SUGP1: variants seen among roughly 807,000 people sequenced by gnomAD.
The protein encoded by SUGP1 is SURP and G-patch domain containing 1, also known as SURP and G-patch domain-containing protein 1.
Under a neutral mutation model 76.5 loss-of-function variants are expected in SUGP1, and 34 were observed. That is an observed-to-expected ratio of 0.44 (90% CI 0.34 to 0.59). The LOEUF (loss-of-function observed/expected upper bound fraction) is 0.59. Ranked by LOEUF, SUGP1 falls within the 20% of genes least tolerant of loss-of-function variation. The pLI is 0.01. For synonymous variants in SUGP1, 326 were observed against 326.2 expected (o/e 1.00, Z 0.01); for missense variants, 752 against 851.7 (o/e 0.88, Z 1.46).
At chr19:19,280,418 A>G (rs1453870425) in intron 8 of SUGP1, 127 bp from the exon 9 acceptor site, 2 of 818,642 alleles carry the variant, frequency 2.4e-6, no homozygotes, top group Non-Finnish European at 4.0e-6. Flanking sequence ...TCATATCATT[A>G]CTGTCAGTGC....
At chr19:19,317,425 G>A (rs1157236938) in intron 1 of SUGP1, among the ~76,000 whole-genome samples, 1 of 152,192 alleles carries the variant, frequency 6.6e-6, no homozygotes, top group African/African-American at 2.4e-5. Context: ...CCTGCTCCAG[G>A]GACAGGCAGA....
At chr19:19,299,794 T>G (rs953623900) in intron 7 of SUGP1, among the ~76,000 whole-genome samples, 2 of 151,380 alleles carry the variant, frequency 1.3e-5, no homozygotes, top group African/African-American at 4.9e-5. Flanking sequence ...TCATTTTTTT[T>G]TTGTTTTGTT....
chr19:19,310,984 A>G (rs1336281630), intron 2 of SUGP1, among the ~76,000 whole-genome samples: 2 of 152,096 alleles, frequency 1.3e-5, no homozygotes, highest in Admixed American at 1.3e-4. Flanking sequence ...TGCCCTGGCT[A>G]AAGTGCAGAG....
At chr19:19,314,316 C>A (rs1780748359) in intron 2 of SUGP1, among the ~76,000 whole-genome samples, 1 of 151,396 alleles carries the variant, frequency 6.6e-6, no homozygotes, top group African/African-American at 2.4e-5. Context: ...GAGCAAGACT[C>A]GTCTCAAAAA....
At chr19:19,276,913 A>T (rs766615411) in intron 13 of SUGP1, 34 bp downstream of exon 13, 1 of 1,611,014 alleles carries the variant, frequency 6.2e-7, no homozygotes, top group East Asian at 2.2e-5. Context: ...TCTCCTGTCG[A>T]CTGAGCAAAG....
chr19:19,277,200 A>C, intron 12 of SUGP1, 124 bp from the exon 13 acceptor site: 2 of 878,878 alleles, frequency 2.3e-6, no homozygotes, highest in Non-Finnish European at 3.1e-6. Flanking sequence ...ATATCTGCAC[A>C]GAGAGAAGCT....
intron 8 of SUGP1, among the ~76,000 whole-genome samples, chr19:19,288,430 A>G (rs896590781): frequency 1.3e-5 from 2 of 152,206 alleles, no homozygotes; most frequent in African/African-American, 4.8e-5. Context: ...AAAGCATGTT[A>G]ATCAACTGTT....
At chr19:19,302,927 G>A (rs939485724) in intron 6 of SUGP1, among the ~76,000 whole-genome samples, 10 of 152,140 alleles carry the variant, frequency 6.6e-5, no homozygotes, top group African/African-American at 2.4e-4. Flanking sequence ...CCAGCTGACA[G>A]TGTCTGTCCC....
intron 8 of SUGP1, among the ~76,000 whole-genome samples, chr19:19,283,279 T>C (rs2146594692): frequency 6.6e-6 from 1 of 152,258 alleles, no homozygotes; most frequent in Middle Eastern, 3.4e-3. Context: ...GAAATCTTTT[T>C]TTTTGGATAT....
Position 19,303,656 on chromosome 19 carries a change from C to G in SUGP1, c.662+68G>C, listed in dbSNP as rs968401691. The G allele has an allele frequency of 1.1e-5, 17 of 1,579,056 alleles. No individual in the cohort carries two copies. In the African/African-American group the frequency reaches 2.2e-4, roughly 20 times the overall value. Reference sequence around the variant, plus strand: ...CCGGCCCACACTAGCAAGCACCCAGCCCCACACGTGCGACTGTGCAGCAAA... The same window carrying G: ...CCGGCCCACACTAGCAAGCACCCAGGCCCACACGTGCGACTGTGCAGCAAA... On this transcript the variant is annotated intron_variant, in intron 5 of 13. Coordinates refer to ENST00000247001, the MANE Select transcript of SUGP1 (RefSeq NM_172231.4).
chr19:19,286,177 G>A (rs1288002784), intron 8 of SUGP1, among the ~76,000 whole-genome samples: 3 of 152,168 alleles, frequency 2.0e-5, no homozygotes, highest in Non-Finnish European at 4.4e-5. Flanking sequence ...GCTTGTTAAA[G>A]TTCTTTTGAT....
chr19:19,289,984 C>G (rs755755368), intron 8 of SUGP1, among the ~76,000 whole-genome samples: 1 of 151,870 alleles, frequency 6.6e-6, no homozygotes, highest in Non-Finnish European at 1.5e-5. Flanking sequence ...GGGCCATGTA[C>G]TCGGCCCCCA....
chr19:19,317,340 G>A (rs924572873), intron 1 of SUGP1, among the ~76,000 whole-genome samples: 1 of 152,138 alleles, frequency 6.6e-6, no homozygotes, highest in Non-Finnish European at 1.5e-5. Context: ...GCAGAAGAAG[G>A]AGCAGATGTG....
intron 8 of SUGP1, 79 bp downstream of exon 8, chr19:19,296,910 G>T: frequency 8.3e-7 from 1 of 1,209,496 alleles, no homozygotes; most frequent in African/African-American, 1.5e-5. Context: ...GCTACACTGT[G>T]GATGAACCTT....
At chr19:19,315,392 C>CACTCCAG (rs894991943) in intron 2 of SUGP1, among the ~76,000 whole-genome samples, 94 of 152,018 alleles carry the variant, frequency 6.2e-4, no homozygotes, top group Non-Finnish European at 5.9e-5. Context: ...ACACACTCTA[C>CACTCCAG]ACTCCAGACC....
chr19:19,288,524 A>C (rs924185962), intron 8 of SUGP1, among the ~76,000 whole-genome samples: 1 of 152,064 alleles, frequency 6.6e-6, no homozygotes, highest in African/African-American at 2.4e-5. Context: ...GTAGAGGCTG[A>C]GGTGGGCAGA....
At chr19:19,301,894 G>A (rs970871968) in intron 7 of SUGP1, 9 of 195,852 alleles carry the variant, frequency 4.6e-5, no homozygotes, top group Admixed American at 1.6e-4. Flanking sequence ...CCCTGAGAAC[G>A]TACACAACAT....
At chr19:19,298,519 C>A (rs931519898) in intron 7 of SUGP1, among the ~76,000 whole-genome samples, 27 of 151,970 alleles carry the variant, frequency 1.8e-4, no homozygotes, top group African/African-American at 6.0e-4. Flanking sequence ...AAATAGTGAG[C>A]GAGCAGCAAG....
chr19:19,306,893 G>T lies in SUGP1; in HGVS notation c.311-817C>A, dbSNP rs187802956. On this transcript the variant is annotated intron_variant, in intron 3 of 13. Coordinates refer to ENST00000247001, the MANE Select transcript of SUGP1 (RefSeq NM_172231.4). ...ACAGTGCAGAAGCACCCACAGCAAG[G>T]CAGGGGATGGGGCAAGGCTGGTGTG... Among the ~76,000 whole-genome samples the T allele has an allele frequency of 2.0e-5, 3 of 152,324 alleles. No individual in the cohort carries two copies. In the East Asian group the frequency reaches 5.8e-4, roughly 29 times the overall value.
Sources: allele counts gnomAD v4.1 joint callset (sites outside exome capture counted in the v4.1 genomes callset), GRCh38; gene constraint gnomAD v4.1.1; transcripts MANE v1.5; gene names NCBI Gene and HGNC (gene_info 2026-07-23, HGNC 2026-07-21).